Variants in CREBRF observed in about 807,000 individuals in gnomAD.
CREBRF encodes the protein UPF0474 protein C5orf41.
A neutral mutation model predicts 66.1 loss-of-function variants in CREBRF; 5 were observed. The ratio of observed to expected loss-of-function variants is 0.08; its 90% confidence interval spans 0.04 to 0.16. CREBRF has a LOEUF of 0.16. Ranked by LOEUF, CREBRF falls within the 10% of genes least tolerant of loss-of-function variation. The pLI, the probability that CREBRF is intolerant of heterozygous loss-of-function variation, is 1.00. For missense variants in CREBRF, 531 were observed against 744.9 expected (o/e 0.71, Z 3.34); for synonymous variants, 229 against 264.4 (o/e 0.87, Z 1.30).
chr5:173,123,379 A>G, intron 8 of CREBRF, 177 bp downstream of exon 8: 2 of 529,470 alleles, frequency 3.8e-6, no homozygotes, highest in Non-Finnish European at 3.2e-6. Flanking sequence ...CATGTGTTGC[A>G]GGTGACCACA....
rs756910874 is a variant in CREBRF, at chr5:173,110,723, T to A, written c.1607+12T>A. 8 of 1,598,550 alleles carry A rather than the reference T, an allele frequency of 5.0e-6. No homozygotes were observed. The African/African-American group carries it at 1.1e-4, about 22-fold the overall frequency. On this transcript the variant is annotated intron_variant, in intron 6 of 8. Coordinates refer to ENST00000296953, the MANE Select transcript of CREBRF (RefSeq NM_153607.3). ...AAGCTGGCTTCCAGGTAAATGCTAATAATGTTCACTCATGTGAAGAAAGTT... is the reference window on the plus strand; with the variant it reads ...AAGCTGGCTTCCAGGTAAATGCTAAAAATGTTCACTCATGTGAAGAAAGTT...
At chr5:173,082,128 C>T (rs1757973646) in intron 2 of CREBRF, among the ~76,000 whole-genome samples, 1 of 150,872 alleles carries the variant, frequency 6.6e-6, no homozygotes, top group Non-Finnish European at 1.5e-5. Context: ...ATTCTCCTGC[C>T]TCAGCCTCCC....
chr5:173,083,853 AT>A (rs1352011507), intron 2 of CREBRF, among the ~76,000 whole-genome samples: 2 of 152,012 alleles, frequency 1.3e-5, no homozygotes, highest in Non-Finnish European at 2.9e-5. Flanking sequence ...TATTTTTTCA[AT>A]TTTTTTTGAC....
intron 1 of CREBRF, among the ~76,000 whole-genome samples, chr5:173,068,320 T>C (rs142500353): frequency 7.7e-4 from 118 of 152,332 alleles, no homozygotes; most frequent in Non-Finnish European, 1.2e-3. Flanking sequence ...GCCTCACTTG[T>C]TTGATTTATC....
intron 8 of CREBRF, among the ~76,000 whole-genome samples, chr5:173,124,894 TTCC>T (rs1759231313): frequency 1.3e-5 from 2 of 150,524 alleles, no homozygotes; most frequent in African/African-American, 4.9e-5. Flanking sequence ...TTCTTCTTTC[TTCC>T]TTCTTCTTCT....
intron 8 of CREBRF, among the ~76,000 whole-genome samples, chr5:173,128,623 T>C (rs1224060735): frequency 6.6e-6 from 1 of 152,070 alleles, no homozygotes; most frequent in Admixed American, 6.5e-5. Context: ...ACAGTTTTTA[T>C]CATCACGAAG....
chr5:173,087,828 TTATC>T (rs1758205067), intron 3 of CREBRF, among the ~76,000 whole-genome samples: 1 of 152,170 alleles, frequency 6.6e-6, no homozygotes, highest in Non-Finnish European at 1.5e-5. Flanking sequence ...ATTTATTTAT[TTATC>T]TATTTATTTG....
intron 1 of CREBRF, among the ~76,000 whole-genome samples, chr5:173,073,501 C>G (rs1256914277): frequency 6.6e-6 from 1 of 152,172 alleles, no homozygotes; most frequent in Non-Finnish European, 1.5e-5. Flanking sequence ...ATTAGAAATG[C>G]ATTCTCTGGT....
At chr5:173,059,270 T>C (rs1479068613) in intron 1 of CREBRF, among the ~76,000 whole-genome samples, 1 of 143,282 alleles carries the variant, frequency 7.0e-6, no homozygotes, top group Admixed American at 6.9e-5. Context: ...TTTTTCTTTT[T>C]TTTTTTTTTT....
rs923001553 is a variant in CREBRF at position 173,135,501 on chromosome 5, T to C, written c.*1756T>C. 1.3e-5 allele frequency: 2 copies of C among 152,394 alleles called. No homozygotes were observed. The highest frequency in any genetic ancestry group is 6.6e-5 in the Admixed American group (1 of 15,264). The allele number at this position is 152,394 out of a possible 1,614,324, so 9.4% of individuals were successfully genotyped here. A position where few individuals can be genotyped will look rare whatever the true frequency, so the allele number is the denominator to read the frequency against. On this transcript the variant is annotated 3_prime_UTR_variant, in exon 9 of 9. Coordinates refer to ENST00000296953, the MANE Select transcript of CREBRF (RefSeq NM_153607.3). Reference sequence around the variant, plus strand: ...ATCTTGTGCTTTGAACTCTGAAAACTGGTGGCTTAAAAACTAAAAAAAGAA... The same window carrying C: ...ATCTTGTGCTTTGAACTCTGAAAACCGGTGGCTTAAAAACTAAAAAAAGAA...
At position 173,124,831 on chromosome 5, in the gene CREBRF, T is replaced by C. The variant is rs1759228014; in HGVS notation, c.1804+1629T>C. ...TGTAGGGACTCTTATTATCTATAGA[T>C]TGGCTCTTTTTGGCCCATCTTTAGT... On this transcript the variant is annotated intron_variant, in intron 8 of 8. Coordinates refer to ENST00000296953, the MANE Select transcript of CREBRF (RefSeq NM_153607.3). Among the ~76,000 whole-genome samples the C allele has an allele frequency of 2.6e-5, 4 of 151,984 alleles. No individual in the cohort carries two copies. The South Asian group carries it at 8.3e-4, about 31-fold the overall frequency.
chr5:173,108,553 G>A, intron 4 of CREBRF, 71 bp from the exon 5 acceptor site: 1 of 1,177,668 alleles, frequency 8.5e-7, no homozygotes, highest in Non-Finnish European at 1.2e-6. Flanking sequence ...AAATAGAAGG[G>A]GTCTTTTCAT....
chr5:173,090,240 A>G lies in CREBRF; in HGVS notation c.136-75A>G. The G allele has an allele frequency of 8.3e-7, 1 of 1,208,534 alleles. No individual in the cohort carries two copies. The highest frequency in any genetic ancestry group is 1.2e-6 in the Non-Finnish European group (1 of 862,918). 74.9% of individuals were successfully genotyped at this position (1,208,534 alleles called of 1,614,324 possible). A position where few individuals can be genotyped will look rare whatever the true frequency, so the allele number is the denominator to read the frequency against. The stretch of plus-strand genomic sequence containing the variant: ...CAGACCAAAAGTCAAGTATTGATTT[A>G]TCAGTTTGACATATGGAGGTGAATA... On this transcript the variant is annotated intron_variant, in intron 3 of 8. Coordinates refer to ENST00000296953, the MANE Select transcript of CREBRF (RefSeq NM_153607.3). This position sits in a 1 kb window ranked among gnomAD's most constrained non-coding sequence, Gnocchi z 4.5.
intron 4 of CREBRF, among the ~76,000 whole-genome samples, chr5:173,100,098 G>A (rs1201679534): frequency 2.3e-5 from 3 of 129,046 alleles, no homozygotes; most frequent in Non-Finnish European, 4.8e-5. Context: ...GTGTGTGTGT[G>A]TGTGTGTGTG....
At chr5:173,081,992 T>G (rs1249415686) in intron 2 of CREBRF, among the ~76,000 whole-genome samples, 2 of 149,872 alleles carry the variant, frequency 1.3e-5, no homozygotes, top group Non-Finnish European at 3.0e-5. Context: ...TGGTTGCCCA[T>G]TCAAGGTTTA....
In CREBRF at chr5:173,137,337, CCT is replaced by C. The variant is rs922019708; in HGVS notation, c.*3597_*3598del. ...TTCAGATGGGTATGGTTTCAAATTCCCTCTCTTTATAGTTATTTTATATTTGT... is the reference window on the plus strand; with the variant it reads ...TTCAGATGGGTATGGTTTCAAATTCCCTCTTTATAGTTATTTTATATTTGT... On this transcript the variant is annotated 3_prime_UTR_variant, in exon 9 of 9. Coordinates refer to ENST00000296953, the MANE Select transcript of CREBRF (RefSeq NM_153607.3). 6.6e-6 allele frequency: 1 copy of C among 151,906 alleles called. No individual in the cohort carries two copies. Among genetic ancestry groups the C allele is most frequent in the African/African-American group, 2.4e-5 (1 of 41,382 alleles). 9.4% of individuals were successfully genotyped at this position (151,906 alleles called of 1,614,324 possible).
At chr5:173,100,130 AAT>A (rs1561808316) in intron 4 of CREBRF, among the ~76,000 whole-genome samples, 2 of 105,148 alleles carry the variant, frequency 1.9e-5, no homozygotes, top group Admixed American at 9.9e-5. Context: ...ATATATATAT[AAT>A]TTTTTTTTTT....
chr5:173,067,893 G>A (rs963897018), intron 1 of CREBRF, among the ~76,000 whole-genome samples: 9 of 151,948 alleles, frequency 5.9e-5, no homozygotes, highest in East Asian at 1.9e-4. Context: ...CCAGCTACTC[G>A]GGAGGCTGAG....
At chr5:173,092,132 T>C (rs1055752297) in intron 4 of CREBRF, 9 of 892,956 alleles carry the variant, frequency 1.0e-5, no homozygotes, top group Non-Finnish European at 1.2e-5. Context: ...TGCATGTGTC[T>C]CTCTATTATA....
Sources: allele counts gnomAD v4.1 joint callset (sites outside exome capture counted in the v4.1 genomes callset), GRCh38; gene constraint gnomAD v4.1.1; non-coding constraint Gnocchi (gnomAD v3.1); transcripts MANE v1.5; gene names NCBI Gene and HGNC (gene_info 2026-07-23, HGNC 2026-07-21).